CLEC4C: variants seen among roughly 807,000 people sequenced by gnomAD.
The protein encoded by CLEC4C is C-type lectin domain family 4 member C.
CLEC4C carries 17 observed loss-of-function variants against 27.7 expected under a neutral mutation model. The ratio of observed to expected loss-of-function variants is 0.61; its 90% CI spans 0.42 to 0.92. CLEC4C has a LOEUF of 0.92. CLEC4C is among the 40% of genes least tolerant of loss of function. The probability of loss-of-function intolerance (pLI) is 0.00; values close to 1 mark genes in which losing one functional copy is unlikely to be tolerated. For missense variants in CLEC4C, 244 were observed against 257.3 expected, an observed-to-expected ratio of 0.95 and a Z score of 0.35; for synonymous variants, 80 against 80.8, an observed-to-expected ratio of 0.99 and a Z score of 0.06.
upstream of CLEC4C, chr12:7,749,248 A>C (rs1274219811): frequency 1.3e-5 from 2 of 152,190 alleles, no homozygotes; most frequent in Non-Finnish European, 2.9e-5. Context: ...GGAGGATGGG[A>C]TTGGCTTCTT....
rs753516235 is a variant in CLEC4C at position 7,730,929 on chromosome 12, G to A, written c.382-17C>T. On this transcript the variant is annotated splice_polypyrimidine_tract_variant and intron_variant, in intron 4 of 5. Transcript: ENST00000360345. ...GATGAAATCCTGAGGGAAGAAAATGGAAGAGTCATAGCTGATAGAGCAGGA... is the reference window on the plus strand; with the variant it reads ...GATGAAATCCTGAGGGAAGAAAATGAAAGAGTCATAGCTGATAGAGCAGGA... The A allele has an allele frequency of 3.1e-5, 41 of 1,334,244 alleles. No individual in the cohort carries two copies. The South Asian group carries it at 4.6e-4, about 15-fold the overall frequency. 82.7% of individuals were successfully genotyped at this position (1,334,244 alleles called of 1,614,324 possible).
intron 3 of CLEC4C, among the ~76,000 whole-genome samples, chr12:7,738,023 C>T (rs1030072787): frequency 2.6e-5 from 4 of 152,204 alleles, no homozygotes; most frequent in Non-Finnish European, 5.9e-5. Flanking sequence ...ACTTTAACTT[C>T]AGGTTCTCAT....
At chr12:7,732,927 G>A (rs1864634620) in intron 4 of CLEC4C, among the ~76,000 whole-genome samples, 1 of 151,866 alleles carries the variant, frequency 6.6e-6, no homozygotes, top group African/African-American at 2.4e-5. Context: ...CAGTCTCGGC[G>A]ACAGAGGGAC....
chr12:7,739,528 C>T (rs745796371), intron 3 of CLEC4C, among the ~76,000 whole-genome samples: 15 of 152,150 alleles, frequency 9.9e-5, no homozygotes, highest in African/African-American at 2.9e-4. Flanking sequence ...GCTCTGCATA[C>T]GACGCTGTAG....
chr12:7,747,060 G>A (rs766388438), intron 1 of CLEC4C, among the ~76,000 whole-genome samples: 2 of 152,124 alleles, frequency 1.3e-5, no homozygotes, highest in African/African-American at 4.8e-5. Context: ...CTGACCTCAG[G>A]TGCTCTGCCC....
intron 4 of CLEC4C, among the ~76,000 whole-genome samples, chr12:7,731,811 T>A (rs967875616): frequency 6.6e-5 from 10 of 152,106 alleles, no homozygotes; most frequent in African/African-American, 1.4e-4. Flanking sequence ...CCTAATATAT[T>A]CTTCTTGTAA....
chr12:7,742,935 T>C (rs932124717), intron 2 of CLEC4C, among the ~76,000 whole-genome samples: 2 of 152,220 alleles, frequency 1.3e-5, no homozygotes, highest in Non-Finnish European at 2.9e-5. Context: ...TTCTCATGCT[T>C]CTTTCTGTGC....
chr12:7,748,903 C>A (rs1370959299), upstream of CLEC4C, among the ~76,000 whole-genome samples: 1 of 152,120 alleles, frequency 6.6e-6, no homozygotes, highest in Non-Finnish European at 1.5e-5. Flanking sequence ...AGGTGACATC[C>A]CAGCAGAATG....
chr12:7,746,457 A>G (rs976473231), intron 1 of CLEC4C, 34 bp from the exon 2 acceptor site: 1 of 1,383,680 alleles, frequency 7.2e-7, no homozygotes. Flanking sequence ...CACAGTCATA[A>G]TCCCCACTGC....
intron 4 of CLEC4C, among the ~76,000 whole-genome samples, chr12:7,734,414 T>C (rs6488610): frequency 0.31 from 46,531 of 152,024 alleles, 7,521 homozygotes; most frequent in Admixed American, 0.35. Context: ...TAGATTATGA[T>C]CTGGCTTTGA....
Position 7,730,904 on chromosome 12 carries a change from G to A in CLEC4C, c.390C>T (p.Ile130=). Residue 130 remains isoleucine (I), a synonymous_variant, in exon 5 of 6, where the codon ATC becomes ATT. Coordinates refer to ENST00000360345, the MANE Select transcript of CLEC4C (RefSeq NM_001371390.1). ...VINTREEQDF[I]IQNLKRNSSY... The stretch of plus-strand genomic sequence containing the variant: ...AAGAATTTCTTTTCAGATTCTGAAT[G>A]ATGAAATCCTGAGGGAAGAAAATGG... The A allele has an allele frequency of 1.9e-6, 3 of 1,566,924 alleles. No individual in the cohort carries two copies. Among genetic ancestry groups the A allele is most frequent in the Non-Finnish European group, 2.6e-6 (3 of 1,137,556 alleles).
intron 2 of CLEC4C, among the ~76,000 whole-genome samples, chr12:7,744,170 T>C (rs1255718275): frequency 6.6e-6 from 1 of 152,200 alleles, no homozygotes; most frequent in East Asian, 1.9e-4. Context: ...CAAGTGATAG[T>C]TGTCCCTTCC....
At chr12:7,747,070 C>G (rs1864998938) in intron 1 of CLEC4C, among the ~76,000 whole-genome samples, 1 of 152,198 alleles carries the variant, frequency 6.6e-6, no homozygotes, top group South Asian at 2.1e-4. Context: ...GTGCTCTGCC[C>G]ACCTCGGCCT....
rs771342100 is a variant in CLEC4C at position 7,732,790 on chromosome 12, G to A, written c.382-1878C>T. Among the ~76,000 whole-genome samples the A allele has an allele frequency of 7.4e-4, 112 of 151,412 alleles. 2 individuals carry two copies. The highest frequency in any genetic ancestry group is 2.6e-3 in the African/African-American group (109 of 41,156). On this transcript the variant is annotated intron_variant, in intron 4 of 5. Transcript: ENST00000360345. The stretch of plus-strand genomic sequence containing the variant: ...ATACTGGCTAACATGGTGAAACCCC[G>A]TCTCTACCAAAATACAAAAAATTAG...
At chr12:7,740,786 A>G (rs1454723971) in intron 3 of CLEC4C, among the ~76,000 whole-genome samples, 2 of 151,738 alleles carry the variant, frequency 1.3e-5, no homozygotes, top group African/African-American at 4.8e-5. Flanking sequence ...TATTGATGGG[A>G]GCAGGAGGAA....
intron 3 of CLEC4C, among the ~76,000 whole-genome samples, chr12:7,741,085 C>T (rs1009769937): frequency 1.3e-5 from 2 of 152,166 alleles, no homozygotes; most frequent in African/African-American, 2.4e-5. Context: ...GCCTCGGCCT[C>T]CCAAAGCGCT....
intron 4 of CLEC4C, among the ~76,000 whole-genome samples, chr12:7,735,542 C>A (rs1420112980): frequency 6.9e-6 from 1 of 144,992 alleles, no homozygotes; most frequent in Non-Finnish European, 1.5e-5. Context: ...CACGGTGGCT[C>A]ACGCCTGTAA....
chr12:7,742,619 A>T (rs1203596415), intron 2 of CLEC4C, among the ~76,000 whole-genome samples: 1 of 151,502 alleles, frequency 6.6e-6, no homozygotes, highest in Non-Finnish European at 1.5e-5. Context: ...GACCAGCCTG[A>T]CCGACATGGT....
chr12:7,733,990 TCAAG>T (rs34339464), intron 4 of CLEC4C, among the ~76,000 whole-genome samples: 10,798 of 152,140 alleles, frequency 0.071, 652 homozygotes, highest in Admixed American at 0.18. Context: ...CCTCCCAGAT[TCAAG>T]CAATTCTTCT....
Sources: allele counts gnomAD v4.1 joint callset (sites outside exome capture counted in the v4.1 genomes callset), GRCh38; gene constraint gnomAD v4.1.1; transcripts MANE v1.5; gene names NCBI Gene and HGNC (gene_info 2026-07-23, HGNC 2026-07-21).